RORA: variants seen among roughly 807,000 people sequenced by gnomAD.
RORA encodes RAR related orphan receptor A.
Under a neutral mutation model 69.5 loss-of-function variants are expected in RORA, and 7 were observed. The ratio of observed to expected loss-of-function variants is 0.10; its 90% CI spans 0.06 to 0.19. The LOEUF is 0.19. Among genes scored for constraint, RORA ranks in the 10% least tolerant of loss-of-function variants. The probability of loss-of-function intolerance (pLI) is 1.00; values close to 1 mark genes in which losing one functional copy is unlikely to be tolerated. For missense variants in RORA, 457 were observed against 663.0 expected, an observed-to-expected ratio of 0.69 and a Z score of 3.41; for synonymous variants, 261 against 240.8, an observed-to-expected ratio of 1.08 and a Z score of -0.78.
intron 1 of RORA, among the ~76,000 whole-genome samples, chr15:60,897,275 C>T (rs1273668883): frequency 6.6e-6 from 1 of 152,164 alleles, no homozygotes; most frequent in Non-Finnish European, 1.5e-5. Context: ...CAGTTCTGCC[C>T]TAACTTATTA....
intron 2 of RORA, among the ~76,000 whole-genome samples, chr15:60,571,884 T>G (rs2067893249): frequency 1.3e-5 from 2 of 152,210 alleles, no homozygotes; most frequent in Admixed American, 1.3e-4. Flanking sequence ...TCACTGCATT[T>G]CTGTTACCTC....
chr15:60,615,123 C>T lies in RORA; in HGVS notation c.196+63534G>A, dbSNP rs548462682. 1.1e-4 allele frequency: 168 copies of T among 1,488,492 alleles called. 4 individuals carry two copies. The South Asian group carries it at 2.0e-3, about 18-fold the overall frequency. The allele number at this position is 1,488,492 out of a possible 1,614,324, so 92.2% of individuals were successfully genotyped here. On this transcript the variant is annotated intron_variant, in intron 2 of 10. Transcript: ENST00000335670. ...ATCAGCTGCCACTATCCACAGCCAC[C>T]CAAGTCCTAATGCTCTCTCGTGTTT...
intron 1 of RORA, among the ~76,000 whole-genome samples, chr15:61,167,482 A>ATTTTTTTTTTTTTTTTTTTTT (rs199752865): frequency 3.7e-5 from 5 of 133,656 alleles, no homozygotes; most frequent in African/African-American, 1.1e-4. Flanking sequence ...TTTGACCAGG[A>ATTTTTTTTTTTTTTTTTTTTT]TTTTTTTTTT....
At chr15:60,947,947 C>T (rs1892948639) in intron 1 of RORA, among the ~76,000 whole-genome samples, 1 of 152,156 alleles carries the variant, frequency 6.6e-6, no homozygotes, top group Non-Finnish European at 1.5e-5. Flanking sequence ...CCACAGACAA[C>T]AACACCACCC....
intron 1 of RORA, among the ~76,000 whole-genome samples, chr15:61,132,788 G>A (rs1203967925): frequency 2.0e-5 from 3 of 152,180 alleles, no homozygotes; most frequent in African/African-American, 7.2e-5. Flanking sequence ...GCTGGCAGGG[G>A]AAACGCAGCC....
intron 1 of RORA, among the ~76,000 whole-genome samples, chr15:60,854,208 G>A (rs1769428305): frequency 1.3e-5 from 2 of 152,172 alleles, no homozygotes; most frequent in South Asian, 4.2e-4. Context: ...ATTGCAGTGA[G>A]CCAAGATTGC....
rs553674682 is a variant in RORA at position 60,972,320 on chromosome 15, A to G, written c.166+256733T>C. Among the ~76,000 whole-genome samples, 28 of 152,338 alleles carry G rather than the reference A, an allele frequency of 1.8e-4. No individual in the cohort carries two copies. The East Asian group carries it at 2.5e-3, about 14-fold the overall frequency. The stretch of plus-strand genomic sequence containing the variant: ...GCAAAACAACAAGGACAACAACAGC[A>G]TAAAGAGCAGGCTGCAGCTATGATA... On this transcript the variant is annotated intron_variant, in intron 1 of 10. Transcript: ENST00000335670.
intron 2 of RORA, among the ~76,000 whole-genome samples, chr15:60,554,620 C>T (rs1201424651): frequency 6.6e-6 from 1 of 152,074 alleles, no homozygotes; most frequent in Non-Finnish European, 1.5e-5. Flanking sequence ...AACCAGGAAC[C>T]GCAGTTCAAA....
chr15:60,592,590 C>T (rs1254544735), intron 2 of RORA: 1 of 1,216,682 alleles, frequency 8.2e-7, no homozygotes, highest in African/African-American at 1.6e-5. Flanking sequence ...ACATCACGGC[C>T]GCCGCTCTGT....
chr15:60,772,679 C>A (rs2072096160), intron 1 of RORA, among the ~76,000 whole-genome samples: 1 of 152,158 alleles, frequency 6.6e-6, no homozygotes, highest in South Asian at 2.1e-4. Flanking sequence ...TGTTGCTCTA[C>A]AGAAAAGATG....
chr15:60,670,622 C>T (rs539495085), intron 2 of RORA, among the ~76,000 whole-genome samples: 23 of 152,194 alleles, frequency 1.5e-4, no homozygotes, highest in African/African-American at 5.3e-4. Flanking sequence ...AGAGCTATCA[C>T]TCCTACATAG....
intron 1 of RORA, among the ~76,000 whole-genome samples, chr15:60,703,651 C>T (rs546849334): frequency 6.6e-6 from 1 of 152,238 alleles, no homozygotes; most frequent in Admixed American, 6.5e-5. Context: ...TGATGCCACC[C>T]TAACATTTTC....
At chr15:60,801,617 A>G (rs1208684930) in intron 1 of RORA, among the ~76,000 whole-genome samples, 1 of 152,254 alleles carries the variant, frequency 6.6e-6, no homozygotes, top group African/African-American at 2.4e-5. Context: ...GCATAATGTT[A>G]TAAAGACATG....
intron 1 of RORA, among the ~76,000 whole-genome samples, chr15:60,904,541 G>A (rs1042245190): frequency 5.9e-5 from 9 of 152,200 alleles, no homozygotes; most frequent in African/African-American, 2.2e-4. Flanking sequence ...GCTGAAATGG[G>A]TGAAATGTTC....
intron 2 of RORA, among the ~76,000 whole-genome samples, chr15:60,642,790 G>T (rs2069966301): frequency 6.6e-6 from 1 of 152,290 alleles, no homozygotes; most frequent in East Asian, 1.9e-4. Flanking sequence ...GTGCTGAGGT[G>T]AGAGGATTGC....
chr15:60,875,790 C>T (rs1169861864), intron 1 of RORA, among the ~76,000 whole-genome samples: 3 of 152,244 alleles, frequency 2.0e-5, no homozygotes, highest in East Asian at 3.9e-4. Context: ...ATGAGAGAAG[C>T]CAATCCCTCT....
chr15:60,637,894 C>T (rs1483720566), intron 2 of RORA, among the ~76,000 whole-genome samples: 1 of 151,956 alleles, frequency 6.6e-6, no homozygotes, highest in Non-Finnish European at 1.5e-5. Context: ...AGATGACATA[C>T]CAGAAGGCTG....
intron 1 of RORA, among the ~76,000 whole-genome samples, chr15:61,068,685 T>C (rs1186328490): frequency 1.3e-5 from 2 of 152,242 alleles, no homozygotes; most frequent in East Asian, 3.8e-4. Flanking sequence ...AGGATTTCTT[T>C]GCTCACATCA....
At chr15:60,922,074 T>C (rs959399995) in intron 1 of RORA, among the ~76,000 whole-genome samples, 1 of 152,198 alleles carries the variant, frequency 6.6e-6, no homozygotes, top group African/African-American at 2.4e-5. Flanking sequence ...TCTACAGATA[T>C]ATGCTTGTTT....
Sources: gnomAD v4.1 joint callset for allele counts (sites outside exome capture counted in the v4.1 genomes callset) on GRCh38, gnomAD v4.1.1 for gene constraint, MANE v1.5 for transcripts, NCBI Gene and HGNC (gene_info 2026-07-23, HGNC 2026-07-21) for gene names.